N4BP2L1: variants seen among roughly 807,000 people sequenced by gnomAD.
N4BP2L1 encodes the protein NEDD4-binding protein 2-like 1.
In N4BP2L1, 12 loss-of-function variants were observed where a neutral mutation model predicts 21.2. The observed-to-expected ratio is 0.57, with a 90% CI of 0.36 to 0.92. N4BP2L1 has a LOEUF of 0.92. Among genes scored for constraint, N4BP2L1 ranks in the 40% least tolerant of loss-of-function variants. The pLI is 0.01. For synonymous variants in N4BP2L1, 104 were observed against 112.8 expected (o/e 0.92, Z 0.49); for missense variants, 259 against 310.6 (o/e 0.83, Z 1.25).
At chr13:32,424,098 T>G (rs755730349) in intron 1 of N4BP2L1, among the ~76,000 whole-genome samples, 1 of 152,216 alleles carries the variant, frequency 6.6e-6, no homozygotes, top group Non-Finnish European at 1.5e-5. Flanking sequence ...TGAAAGGGTC[T>G]TGGCATTAGA....
At chr13:32,403,288 G>T in intron 4 of N4BP2L1, 88 bp from the exon 5 acceptor site, 1 of 1,359,914 alleles carries the variant, frequency 7.4e-7, no homozygotes, top group Non-Finnish European at 1.0e-6. Flanking sequence ...TGCAGATATT[G>T]CAGTCCCTGT....
chr13:32,422,126 G>A (rs193206377), intron 1 of N4BP2L1, among the ~76,000 whole-genome samples: 3 of 152,198 alleles, frequency 2.0e-5, no homozygotes, highest in Admixed American at 1.3e-4. Flanking sequence ...TCAATGGTAC[G>A]TTAATAAAGA....
In N4BP2L1 at chr13:32,428,111, G is replaced by A. The variant is rs2074907553; in HGVS notation, c.-29C>T. 4 of 1,428,512 alleles carry A rather than the reference G, an allele frequency of 2.8e-6. No individual in the cohort carries two copies. The highest frequency in any genetic ancestry group is 3.7e-6 in the Non-Finnish European group (4 of 1,086,902). The allele number at this position is 1,428,512 out of a possible 1,614,324, so 88.5% of individuals were successfully genotyped here. A position where few individuals can be genotyped will look rare whatever the true frequency, so the allele number is the denominator to read the frequency against. Reference sequence around the variant, plus strand: ...CAGGAGGGCTGGCTGCGAGAGCCCCGGGTTCCCTTTACTGAAGTCACGGTC... The same window carrying A: ...CAGGAGGGCTGGCTGCGAGAGCCCCAGGTTCCCTTTACTGAAGTCACGGTC... On this transcript the variant is annotated 5_prime_UTR_variant, in exon 1 of 5. Transcript: ENST00000380130.
chr13:32,428,684 G>A (rs962483967), upstream of N4BP2L1, among the ~76,000 whole-genome samples: 3 of 152,118 alleles, frequency 2.0e-5, no homozygotes, highest in Non-Finnish European at 1.5e-5. Context: ...CTTTGTTGCC[G>A]CTACATAACT....
chr13:32,403,285 A>G, intron 4 of N4BP2L1, 85 bp from the exon 5 acceptor site: 1 of 1,380,608 alleles, frequency 7.2e-7, no homozygotes, highest in Non-Finnish European at 9.9e-7. Context: ...TATTGCAGAT[A>G]TTGCAGTCCC....
chr13:32,414,018 A>G (rs2074000175), intron 1 of N4BP2L1, among the ~76,000 whole-genome samples: 1 of 150,404 alleles, frequency 6.6e-6, no homozygotes, highest in South Asian at 2.1e-4. Context: ...AGTAGTTGGG[A>G]TTACAGGCAT....
Position 32,400,964 on chromosome 13 carries a change from G to A in N4BP2L1, c.*1978C>T, listed in dbSNP as rs922358403. The A allele has an allele frequency of 6.6e-6, 1 of 152,118 alleles. No homozygotes were observed. Among genetic ancestry groups the A allele is most frequent in the East Asian group, 1.9e-4 (1 of 5,194 alleles). 9.4% of individuals were successfully genotyped at this position (152,118 alleles called of 1,614,324 possible). On this transcript the variant is annotated 3_prime_UTR_variant, in exon 5 of 5. Transcript: ENST00000380130. ...GGTTTACAAACCAAATATTTCAGGG[G>A]TCAGCTAGGGAAAGAAGAGACATTA...
At position 32,401,320 on chromosome 13, in the gene N4BP2L1, T is replaced by A. The variant is rs543091728; in HGVS notation, c.*1622A>T. 1 of 152,116 alleles carries A rather than the reference T, an allele frequency of 6.6e-6. No homozygotes were observed. The highest frequency in any genetic ancestry group is 1.5e-5 in the Non-Finnish European group (1 of 68,016). The allele number at this position is 152,116 out of a possible 1,614,324, so 9.4% of individuals were successfully genotyped here. A position where few individuals can be genotyped will look rare whatever the true frequency, so the allele number is the denominator to read the frequency against. On this transcript the variant is annotated 3_prime_UTR_variant, in exon 5 of 5. Coordinates refer to ENST00000380130, the MANE Select transcript of N4BP2L1 (RefSeq NM_052818.3). ...ATGGGAGCATTATTAAGTAGATCATTAGGAGATTATTTTATGTTGTGCTTG... is the reference window on the plus strand; with the variant it reads ...ATGGGAGCATTATTAAGTAGATCATAAGGAGATTATTTTATGTTGTGCTTG...
chr13:32,419,547 C>T, intron 1 of N4BP2L1: 1 of 290,542 alleles, frequency 3.4e-6, no homozygotes, highest in Non-Finnish European at 6.7e-6. Context: ...GCTGGGATTA[C>T]AGGCATAAGC....
chr13:32,408,409 C>T (rs2073655191), intron 1 of N4BP2L1, among the ~76,000 whole-genome samples: 1 of 152,124 alleles, frequency 6.6e-6, no homozygotes, highest in African/African-American at 2.4e-5. Flanking sequence ...AGCCACTGTC[C>T]CCTACCTTCC....
rs2073120934 is a variant in N4BP2L1, at chr13:32,401,378, T to C, written c.*1564A>G. 6.6e-6 allele frequency: 1 copy of C among 152,192 alleles called. No homozygotes were observed. The highest frequency in any genetic ancestry group is 1.5e-5 in the Non-Finnish European group (1 of 68,036). 9.4% of individuals were successfully genotyped at this position (152,192 alleles called of 1,614,324 possible). A position where few individuals can be genotyped will look rare whatever the true frequency, so the allele number is the denominator to read the frequency against. ...AGAAGTTAGCAAAGCTGATAACACC[T>C]TAGATTCATTGGGATTTACTATTGT... On this transcript the variant is annotated 3_prime_UTR_variant, in exon 5 of 5. Coordinates refer to ENST00000380130, the MANE Select transcript of N4BP2L1 (RefSeq NM_052818.3).
chr13:32,409,127 G>T (rs2073704859), intron 1 of N4BP2L1, among the ~76,000 whole-genome samples: 1 of 152,162 alleles, frequency 6.6e-6, no homozygotes, highest in African/African-American at 2.4e-5. Flanking sequence ...TAAACACATC[G>T]GAGCGCGCAT....
At chr13:32,405,966 G>A (rs540540857) in intron 3 of N4BP2L1, among the ~76,000 whole-genome samples, 91 of 129,518 alleles carry the variant, frequency 7.0e-4, no homozygotes, top group African/African-American at 2.6e-3. Context: ...GCAGTGGCAC[G>A]ATCTCAGCTC....
upstream of N4BP2L1, among the ~76,000 whole-genome samples, chr13:32,429,222 G>C (rs1483438361): frequency 6.6e-6 from 1 of 152,234 alleles, no homozygotes; most frequent in Non-Finnish European, 1.5e-5. Flanking sequence ...CTATCCAAGT[G>C]GGGAGGGGCT....
intron 1 of N4BP2L1, chr13:32,411,723 CAG>C: frequency 3.0e-6 from 3 of 983,822 alleles, no homozygotes; most frequent in South Asian, 4.7e-5. Flanking sequence ...AAGAGAAACT[CAG>C]GGGCTAATCT....
In N4BP2L1 at chr13:32,407,781, T is replaced by C. The variant is rs2073616334; in HGVS notation, c.180-9A>G. ...AGTCATGCTGCAATTGTCTGGAAAG[T>C]GGAGAAATGAGAGAGAGAGATGTTT... On this transcript the variant is annotated splice_polypyrimidine_tract_variant and intron_variant, in intron 1 of 4. Coordinates refer to ENST00000380130, the MANE Select transcript of N4BP2L1 (RefSeq NM_052818.3). 3 of 1,574,230 alleles carry C rather than the reference T, an allele frequency of 1.9e-6. No homozygotes were observed. Among genetic ancestry groups the C allele is most frequent in the Admixed American group, 2.0e-5 (1 of 51,016 alleles).
intron 3 of N4BP2L1, among the ~76,000 whole-genome samples, chr13:32,405,892 C>CCTTTTTTTTTTT (rs2073452557): frequency 9.9e-6 from 1 of 101,192 alleles, no homozygotes. Flanking sequence ...TTCCTGCCCC[C>CCTTTTTTTTTTT]TTTTTTTTTT....
rs145483181 is a variant in N4BP2L1 at position 32,414,161 on chromosome 13, C to A, written c.180-6389G>T. 2.6e-5 allele frequency among the ~76,000 whole-genome samples: 4 copies of A among 152,140 alleles called. No homozygotes were observed. The South Asian group carries it at 8.3e-4, about 31-fold the overall frequency. On this transcript the variant is annotated intron_variant, in intron 1 of 4. Transcript: ENST00000380130. Reference sequence around the variant, plus strand: ...CCTCTCAAAGTGCTGGGATTACAGGCGTGAGCCACTGTGCCCGGCCTAACC... The same window carrying A: ...CCTCTCAAAGTGCTGGGATTACAGGAGTGAGCCACTGTGCCCGGCCTAACC...
In N4BP2L1 at chr13:32,402,676, G is replaced by A; in HGVS notation, c.*266C>T. ...AACCTATGTAAATATATTCTTGGGT[G>A]TGTTCTCAAGTTTTGGTTTCAAATT... On this transcript the variant is annotated 3_prime_UTR_variant, in exon 5 of 5. Coordinates refer to ENST00000380130, the MANE Select transcript of N4BP2L1 (RefSeq NM_052818.3). The A allele has an allele frequency of 8.1e-7, 1 of 1,233,704 alleles. No homozygotes were observed. 76.4% of individuals were successfully genotyped at this position (1,233,704 alleles called of 1,614,324 possible). A position where few individuals can be genotyped will look rare whatever the true frequency, so the allele number is the denominator to read the frequency against.
Sources: allele counts gnomAD v4.1 joint callset (sites outside exome capture counted in the v4.1 genomes callset), GRCh38; gene constraint gnomAD v4.1.1; transcripts MANE v1.5; gene names NCBI Gene and HGNC (gene_info 2026-07-23, HGNC 2026-07-21).